Variants in STXBP5L observed in about 807,000 individuals in gnomAD.
STXBP5L encodes the protein syntaxin-binding protein 5-like.
In STXBP5L, 65 loss-of-function variants were observed where a neutral mutation model predicts 144.5. That is an observed-to-expected ratio of 0.45 (90% confidence interval 0.37 to 0.55). The LOEUF (loss-of-function observed/expected upper bound fraction) is 0.55. Among genes scored for constraint, STXBP5L ranks in the 20% least tolerant of loss-of-function variants. The pLI is 0.00. For missense variants in STXBP5L, 1,298 were observed against 1,405.5 expected, an observed-to-expected ratio of 0.92 and a Z score of 1.22; for synonymous variants, 505 against 469.6, an observed-to-expected ratio of 1.08 and a Z score of -0.97.
intron 2 of STXBP5L, among the ~76,000 whole-genome samples, chr3:120,917,615 G>T (rs1709167886): frequency 6.6e-6 from 1 of 152,048 alleles, no homozygotes; most frequent in Non-Finnish European, 1.5e-5. Flanking sequence ...GAACCCTTCA[G>T]GATAGGAGTT....
intron 7 of STXBP5L, among the ~76,000 whole-genome samples, chr3:121,127,012 T>C (rs2044736647): frequency 6.6e-6 from 1 of 152,208 alleles, no homozygotes; most frequent in Non-Finnish European, 1.5e-5. Context: ...GTTGTTGTTA[T>C]GTAAAGAACA....
At chr3:121,123,560 G>A (rs1163378284) in intron 7 of STXBP5L, among the ~76,000 whole-genome samples, 1 of 151,044 alleles carries the variant, frequency 6.6e-6, no homozygotes, top group Non-Finnish European at 1.5e-5. Context: ...ATATTCAAAT[G>A]CCTAAGAAAA....
chr3:121,149,151 T>C (rs1386159686), intron 7 of STXBP5L, among the ~76,000 whole-genome samples: 1 of 152,088 alleles, frequency 6.6e-6, no homozygotes, highest in Non-Finnish European at 1.5e-5. Flanking sequence ...ATTGTGTTTT[T>C]TAACGTGGAT....
chr3:121,054,204 C>A (rs1228139460), intron 5 of STXBP5L, among the ~76,000 whole-genome samples: 2 of 152,016 alleles, frequency 1.3e-5, no homozygotes, highest in Non-Finnish European at 2.9e-5. Context: ...GGATCTAGAA[C>A]TAGAAATACC....
intron 11 of STXBP5L, among the ~76,000 whole-genome samples, chr3:121,224,748 C>T (rs2049070120): frequency 6.6e-6 from 1 of 152,104 alleles, no homozygotes; most frequent in South Asian, 2.1e-4. Flanking sequence ...GAGAAACTGT[C>T]TTACAATATT....
At chr3:121,030,695 A>G (rs953720648) in intron 3 of STXBP5L, among the ~76,000 whole-genome samples, 4 of 152,078 alleles carry the variant, frequency 2.6e-5, no homozygotes, top group African/African-American at 9.7e-5. Context: ...ATAAATTCCC[A>G]GAATTCCCAG....
intron 19 of STXBP5L, among the ~76,000 whole-genome samples, chr3:121,285,568 G>A (rs1297423308): frequency 1.3e-5 from 2 of 151,892 alleles, no homozygotes; most frequent in African/African-American, 2.4e-5. Context: ...ATTACCAAGC[G>A]GCAAAACTTT....
intron 5 of STXBP5L, among the ~76,000 whole-genome samples, chr3:121,081,935 A>G (rs769375179): frequency 1.8e-4 from 27 of 152,204 alleles, no homozygotes; most frequent in Admixed American, 3.9e-4. Flanking sequence ...GACAGGCTGT[A>G]TGGGTCTATT....
intron 2 of STXBP5L, among the ~76,000 whole-genome samples, chr3:120,928,247 G>A (rs770954257): frequency 8.8e-6 from 1 of 113,822 alleles, no homozygotes; most frequent in East Asian, 2.6e-4. Flanking sequence ...TTTTCCAGAG[G>A]CAATTAAATT....
chr3:121,267,080 C>A (rs918992262), intron 18 of STXBP5L, among the ~76,000 whole-genome samples: 1 of 152,200 alleles, frequency 6.6e-6, no homozygotes, highest in South Asian at 2.1e-4. Flanking sequence ...CATATGGAAC[C>A]AAAAGAGAGC....
chr3:121,140,409 TC>T (rs1248457309), intron 7 of STXBP5L, among the ~76,000 whole-genome samples: 2 of 152,186 alleles, frequency 1.3e-5, no homozygotes, highest in African/African-American at 2.4e-5. Flanking sequence ...TGAATTGCAG[TC>T]AATATATCCA....
At chr3:121,289,659 CAA>C (rs2051355402) in intron 19 of STXBP5L, among the ~76,000 whole-genome samples, 1 of 152,096 alleles carries the variant, frequency 6.6e-6, no homozygotes, top group South Asian at 2.1e-4. Context: ...GGCCACAAAA[CAA>C]GTCTCAATAA....
intron 18 of STXBP5L, among the ~76,000 whole-genome samples, chr3:121,265,205 T>C (rs2050522003): frequency 1.3e-5 from 2 of 152,128 alleles, no homozygotes; most frequent in African/African-American, 4.8e-5. Flanking sequence ...TATTCTAAAA[T>C]TGACCACATA....
chr3:120,987,012 G>A (rs1033355573), intron 3 of STXBP5L, among the ~76,000 whole-genome samples: 1 of 151,902 alleles, frequency 6.6e-6, no homozygotes, highest in Non-Finnish European at 1.5e-5. Context: ...AAGTTATAGA[G>A]AGAATATTTG....
intron 3 of STXBP5L, among the ~76,000 whole-genome samples, chr3:120,967,025 C>T (rs1939663983): frequency 6.6e-6 from 1 of 152,080 alleles, no homozygotes; most frequent in Non-Finnish European, 1.5e-5. Flanking sequence ...TTCCCCTAGC[C>T]AGGCTGCCGC....
intron 7 of STXBP5L, among the ~76,000 whole-genome samples, chr3:121,151,878 A>G (rs1026276733): frequency 1.3e-5 from 2 of 152,132 alleles, no homozygotes; most frequent in African/African-American, 4.8e-5. Flanking sequence ...TGATCATATT[A>G]TAATCATGAT....
At chr3:121,313,219 ACC>A (rs201619403) in intron 19 of STXBP5L, among the ~76,000 whole-genome samples, 1 of 101,150 alleles carries the variant, frequency 9.9e-6, no homozygotes, top group Non-Finnish European at 1.9e-5. Context: ...AGGGGGGCTG[ACC>A]CCCCCCACCT....
At chr3:121,041,878 A>G (rs1186022382) in intron 4 of STXBP5L, 97 bp downstream of exon 4, 2 of 779,444 alleles carry the variant, frequency 2.6e-6, no homozygotes, top group Admixed American at 2.1e-5. Flanking sequence ...CTAAATGCTT[A>G]AATATATATG....
At chr3:121,250,433 T>C (rs1339971644) in intron 14 of STXBP5L, among the ~76,000 whole-genome samples, 1 of 152,044 alleles carries the variant, frequency 6.6e-6, no homozygotes. Flanking sequence ...GAAAATATGT[T>C]GTTCACTTTC....
Sources: gnomAD v4.1 joint callset for allele counts (sites outside exome capture counted in the v4.1 genomes callset) on GRCh38, gnomAD v4.1.1 for gene constraint, MANE v1.5 for transcripts, NCBI Gene and HGNC (gene_info 2026-07-23, HGNC 2026-07-21) for gene names.